Variants in PCDHGB5 observed in about 807,000 individuals in gnomAD.
PCDHGB5 encodes the protein protocadherin gamma subfamily B, 5, also known as protocadherin gamma-B5.
A neutral mutation model predicts 62.9 loss-of-function variants in PCDHGB5; 48 were observed. That is an observed-to-expected ratio of 0.76 (90% CI 0.61 to 0.97). PCDHGB5 has a LOEUF of 0.97. PCDHGB5 is among the 50% of genes least tolerant of loss of function. The pLI is 0.00. For synonymous variants in PCDHGB5, 474 were observed against 511.2 expected, an observed-to-expected ratio of 0.93 and a Z score of 0.98; for missense variants, 1,118 against 1,198.6, an observed-to-expected ratio of 0.93 and a Z score of 0.99.
chr5:141,484,750 G>GTATA (rs545232987), intron 1 of PCDHGB5, among the ~76,000 whole-genome samples: 1 of 149,818 alleles, frequency 6.7e-6, no homozygotes, highest in Non-Finnish European at 1.5e-5. Context: ...GAAAAAAAAT[G>GTATA]TATATATATA....
Position 141,447,179 on chromosome 5 carries a change from G to A in PCDHGB5, c.2397+46655G>A, listed in dbSNP as rs558348683. ...GTTTAAGCGGGGTCTTGCTCTTGTC[G>A]CGCAGGCTGGAGTGCAATGGCTTGA... On this transcript the variant is annotated intron_variant, in intron 1 of 3. Transcript: ENST00000617380. 4.6e-4 allele frequency among the ~76,000 whole-genome samples: 70 copies of A among 151,826 alleles called. 1 individual carries two copies. The highest frequency in any genetic ancestry group is 3.9e-4 in the East Asian group (2 of 5,158).
chr5:141,405,704 C>T (rs1589592020), intron 1 of PCDHGB5, among the ~76,000 whole-genome samples: 1 of 152,286 alleles, frequency 6.6e-6, no homozygotes, highest in East Asian at 1.9e-4. Context: ...TCTTGAATTC[C>T]TAACCTCAAG....
rs1250096461 is a variant in PCDHGB5 at position 141,485,533 on chromosome 5, G to A, written c.2398-9274G>A. 6.2e-7 allele frequency: 1 copy of A among 1,614,084 alleles called. No homozygotes were observed. Among genetic ancestry groups the A allele is most frequent in the Non-Finnish European group, 8.5e-7 (1 of 1,180,034 alleles). On this transcript the variant is annotated intron_variant, in intron 1 of 3. Coordinates refer to ENST00000617380, the MANE Select transcript of PCDHGB5 (RefSeq NM_018925.3). This position sits in a 1 kb window ranked among gnomAD's most constrained non-coding sequence, Gnocchi z 5.7. ...GTCCTTTGGAAATGTACCGAGCAGA[G>A]GTAGAGATCGTAGATGTGAATGATC...
At chr5:141,418,868 G>A in intron 1 of PCDHGB5, 2 of 1,613,998 alleles carry the variant, frequency 1.2e-6, no homozygotes, top group Non-Finnish European at 1.7e-6. Flanking sequence ...AATTGTAGAA[G>A]TTGTAGACGA....
chr5:141,420,477 A>T (rs1469261817), intron 1 of PCDHGB5: 3 of 626,262 alleles, frequency 4.8e-6, no homozygotes, highest in Non-Finnish European at 7.0e-6. Flanking sequence ...TTTAAAGCAA[A>T]CTACATGGGT....
chr5:141,404,790 A>T, intron 1 of PCDHGB5: 1 of 1,611,288 alleles, frequency 6.2e-7, no homozygotes, highest in East Asian at 2.2e-5. Context: ...AAGGCCAGTG[A>T]GCCAGGGCTC....
rs370704205 is a variant in PCDHGB5, at chr5:141,422,166, T to C, written c.2397+21642T>C. 4.5e-6 allele frequency: 7 copies of C among 1,569,374 alleles called. No individual in the cohort carries two copies. In the South Asian group the frequency reaches 8.5e-5, roughly 19 times the overall value. ...GGGGGTCTCTGGATTTTGAAAAATA[T>C]AGATTCTATGAGATGGAAATTCAAG... On this transcript the variant is annotated intron_variant, in intron 1 of 3. Coordinates refer to ENST00000617380, the MANE Select transcript of PCDHGB5 (RefSeq NM_018925.3).
At position 141,432,319 on chromosome 5, in the gene PCDHGB5, C is replaced by A; in HGVS notation, c.2397+31795C>A. The A allele has an allele frequency of 6.2e-7, 1 of 1,614,264 alleles. No individual in the cohort carries two copies. Among genetic ancestry groups the A allele is most frequent in the South Asian group, 1.1e-5 (1 of 91,088 alleles). ...GGGTACTGTATGCGCTGAGCTCCTTCGACTACGAGCAGTTCCGAGACTTGC... is the reference window on the plus strand; with the variant it reads ...GGGTACTGTATGCGCTGAGCTCCTTAGACTACGAGCAGTTCCGAGACTTGC... On this transcript the variant is annotated intron_variant, in intron 1 of 3. Transcript: ENST00000617380. The surrounding 1 kb of genome is among the most constrained non-coding windows in gnomAD (Gnocchi z 6.0).
In PCDHGB5 at chr5:141,505,598, C is replaced by T. The variant is rs532473064; in HGVS notation, c.2545+117C>T. The T allele has an allele frequency of 1.4e-3, 2,157 of 1,556,732 alleles. 3 individuals are homozygous for T. Among genetic ancestry groups the T allele is most frequent in the Non-Finnish European group, 1.8e-3 (2,025 of 1,148,246 alleles). ...ACCTGTGTAGTTTCTCCAGATCTTT[C>T]GGCAGGTCTGAAAGGACCCACAATT... On this transcript the variant is annotated intron_variant, in intron 3 of 3. Coordinates refer to ENST00000617380, the MANE Select transcript of PCDHGB5 (RefSeq NM_018925.3).
chr5:141,403,109 G>A (rs754708762), intron 1 of PCDHGB5: 3 of 1,614,074 alleles, frequency 1.9e-6, no homozygotes. Context: ...CAAGGACCTG[G>A]CTCTGGAGCC....
At chr5:141,497,664 C>T (rs779506763) in intron 2 of PCDHGB5, among the ~76,000 whole-genome samples, 14 of 151,904 alleles carry the variant, frequency 9.2e-5, no homozygotes, top group Non-Finnish European at 1.8e-4. Context: ...CTCAGCCTCC[C>T]GAGTAGCTGG....
chr5:141,434,044 A>T (rs2097670450), intron 1 of PCDHGB5, among the ~76,000 whole-genome samples: 2 of 152,132 alleles, frequency 1.3e-5, no homozygotes, highest in South Asian at 4.1e-4. Flanking sequence ...TTTCTATTTT[A>T]TTCAATGGCC....
chr5:141,431,012 G>A lies in PCDHGB5; in HGVS notation c.2397+30488G>A. On this transcript the variant is annotated intron_variant, in intron 1 of 3. Coordinates refer to ENST00000617380, the MANE Select transcript of PCDHGB5 (RefSeq NM_018925.3). This position sits in a 1 kb window ranked among gnomAD's most constrained non-coding sequence, Gnocchi z 4.8. The stretch of plus-strand genomic sequence containing the variant: ...CCTGAATCCGCGCAGCGGCAGCTTG[G>A]TCACGGCGGGCAGGATAGACCGGGA... 1 of 1,613,314 alleles carries A rather than the reference G, an allele frequency of 6.2e-7. No individual in the cohort carries two copies. Among genetic ancestry groups the A allele is most frequent in the South Asian group, 1.1e-5 (1 of 91,076 alleles).
intron 1 of PCDHGB5, among the ~76,000 whole-genome samples, chr5:141,447,098 A>G (rs2098525979): frequency 6.6e-6 from 1 of 151,934 alleles, no homozygotes. Flanking sequence ...TTTCTTTCAC[A>G]TGATTATATG....
intron 1 of PCDHGB5, among the ~76,000 whole-genome samples, chr5:141,400,980 C>T (rs977355527): frequency 6.6e-6 from 1 of 152,102 alleles, no homozygotes; most frequent in African/African-American, 2.4e-5. Context: ...TCTTATGTTC[C>T]TCATATATGC....
intron 1 of PCDHGB5, chr5:141,403,461 A>G (rs2094410364): frequency 6.2e-7 from 1 of 1,614,010 alleles, no homozygotes; most frequent in Non-Finnish European, 8.5e-7. Context: ...CTCCAGAGCT[A>G]CCAGCTCAGC....
intron 1 of PCDHGB5, among the ~76,000 whole-genome samples, chr5:141,450,826 A>ATT (rs764729742): frequency 0.025 from 3,390 of 134,266 alleles, 60 homozygotes; most frequent in Middle Eastern, 0.057. Flanking sequence ...TATTATTATT[A>ATT]TTATTTTTTT....
chr5:141,492,616 G>C (rs976681246), intron 1 of PCDHGB5, among the ~76,000 whole-genome samples: 2 of 152,252 alleles, frequency 1.3e-5, no homozygotes, highest in African/African-American at 4.8e-5. Context: ...CTAAGTGCCG[G>C]GCGGGCAGGA....
intron 1 of PCDHGB5, among the ~76,000 whole-genome samples, chr5:141,435,833 A>G (rs1354866725): frequency 6.6e-6 from 1 of 152,112 alleles, no homozygotes; most frequent in Non-Finnish European, 1.5e-5. Flanking sequence ...TTTGCTGCCT[A>G]TCTACTTTGA....
Sources: gnomAD v4.1 joint callset for allele counts (sites outside exome capture counted in the v4.1 genomes callset) on GRCh38, gnomAD v4.1.1 for gene constraint, Gnocchi (gnomAD v3.1) non-coding constraint, MANE v1.5 for transcripts, NCBI Gene and HGNC (gene_info 2026-07-23, HGNC 2026-07-21) for gene names.